PRRC2C: variants seen among roughly 807,000 people sequenced by gnomAD.
PRRC2C encodes the protein proline rich coiled-coil 2C.
In PRRC2C, 72 loss-of-function variants were observed where a neutral mutation model predicts 317.2. The ratio of observed to expected loss-of-function variants is 0.23; its 90% CI spans 0.19 to 0.28. PRRC2C has a LOEUF of 0.28. Ranked by LOEUF, PRRC2C falls within the 10% of genes least tolerant of loss-of-function variation. The pLI is 1.00. For missense variants in PRRC2C, 3,074 were observed against 3,459.7 expected, an observed-to-expected ratio of 0.89 and a Z score of 2.80; for synonymous variants, 1,296 against 1,205.9, an observed-to-expected ratio of 1.07 and a Z score of -1.55.
At chr1:171,528,512 C>T (rs565561445) in intron 11 of PRRC2C, among the ~76,000 whole-genome samples, 1 of 152,020 alleles carries the variant, frequency 6.6e-6, no homozygotes, top group Admixed American at 6.6e-5. Flanking sequence ...AGGACGGTCT[C>T]GATATCCTGA....
At chr1:171,492,891 A>G (rs1667435204) in intron 1 of PRRC2C, among the ~76,000 whole-genome samples, 1 of 151,806 alleles carries the variant, frequency 6.6e-6, no homozygotes, top group Non-Finnish European at 1.5e-5. Context: ...AGCTGGGATT[A>G]CAGGTGTGTA....
intron 1 of PRRC2C, among the ~76,000 whole-genome samples, chr1:171,493,762 C>T (rs1303345775): frequency 6.6e-6 from 1 of 152,002 alleles, no homozygotes; most frequent in East Asian, 1.9e-4. Flanking sequence ...GGAGATCCTA[C>T]CACTGCACTC....
intron 1 of PRRC2C, among the ~76,000 whole-genome samples, chr1:171,499,672 CAG>C (rs1668739204): frequency 1.3e-5 from 2 of 152,068 alleles, no homozygotes; most frequent in Non-Finnish European, 2.9e-5. Context: ...GGCATGGTGG[CAG>C]ACACCTGTAA....
intron 18 of PRRC2C, among the ~76,000 whole-genome samples, chr1:171,554,696 G>T (rs1057041908): frequency 1.3e-5 from 2 of 152,132 alleles, no homozygotes; most frequent in Admixed American, 6.5e-5. Flanking sequence ...GTCTGTAAAG[G>T]ATTTTATTTC....
intron 23 of PRRC2C, among the ~76,000 whole-genome samples, chr1:171,570,412 G>C (rs1275446574): frequency 6.6e-6 from 1 of 152,094 alleles, no homozygotes; most frequent in African/African-American, 2.4e-5. Flanking sequence ...CAATCATCTT[G>C]TATCTTGAAT....
intron 30 of PRRC2C, among the ~76,000 whole-genome samples, chr1:171,585,720 T>C (rs1274037915): frequency 6.6e-6 from 1 of 152,230 alleles, no homozygotes; most frequent in Non-Finnish European, 1.5e-5. Context: ...ATAGTCCTAA[T>C]TCTTTCAGTT....
At position 171,540,915 on chromosome 1, in the gene PRRC2C, T is replaced by G. The variant is rs1440217188; in HGVS notation, c.3449T>G (p.Ile1150Arg). The G allele has an allele frequency of 6.2e-7, 1 of 1,613,664 alleles. No homozygotes were observed. The highest frequency in any genetic ancestry group is 1.3e-5 in the African/African-American group (1 of 74,886). Residue 1150 changes from isoleucine to arginine, a missense_variant, in exon 16 of 35, where the codon ATA (isoleucine) becomes AGA (arginine). Ile to Arg is a moderately conservative substitution (Grantham distance 97). This residue lies in a region of PRRC2C where 1,320 missense variants were observed against 1,395.7 expected (regional missense o/e 0.95). Transcript: ENST00000647382. Reference sequence around the variant, plus strand: ...AAAGTCATCAGCAAAGACCTTGTTATAGAGAGGCCTCGACCAGATTCAAGA... The same window carrying G: ...AAAGTCATCAGCAAAGACCTTGTTAGAGAGAGGCCTCGACCAGATTCAAGA... ...PEKVISKDLV[I>R]ERPRPDSRPA...
At chr1:171,561,200 T>G (rs1407866225) in intron 20 of PRRC2C, 97 bp downstream of exon 20, 17 of 1,202,284 alleles carry the variant, frequency 1.4e-5, no homozygotes, top group Non-Finnish European at 1.8e-5. Flanking sequence ...CCTAGCGTGG[T>G]GGGAGGGTTA....
At chr1:171,559,028 T>C (rs900494242) in intron 19 of PRRC2C, among the ~76,000 whole-genome samples, 11 of 152,138 alleles carry the variant, frequency 7.2e-5, no homozygotes, top group African/African-American at 2.4e-4. Flanking sequence ...CCAAAGCAAG[T>C]GTTCTATCTC....
At chr1:171,579,571 C>A in intron 27 of PRRC2C, 105 bp downstream of exon 27, 2 of 1,439,068 alleles carry the variant, frequency 1.4e-6, no homozygotes, top group East Asian at 2.5e-5. Context: ...TACAAGCTAC[C>A]CACGATTAGC....
chr1:171,542,541 A>G (rs1346163957), intron 16 of PRRC2C, among the ~76,000 whole-genome samples: 1 of 152,186 alleles, frequency 6.6e-6, no homozygotes, highest in Non-Finnish European at 1.5e-5. Flanking sequence ...TCTGATGAGT[A>G]GCCCTCCCTT....
intron 20 of PRRC2C, among the ~76,000 whole-genome samples, chr1:171,562,696 T>C (rs922622786): frequency 2.0e-5 from 3 of 152,320 alleles, no homozygotes; most frequent in Middle Eastern, 3.4e-3. Context: ...TTGGACAGTT[T>C]TTGACATGTT....
At chr1:171,544,884 C>G (rs1308399627) in intron 16 of PRRC2C, among the ~76,000 whole-genome samples, 1 of 152,070 alleles carries the variant, frequency 6.6e-6, no homozygotes, top group African/African-American at 2.4e-5. Flanking sequence ...TTCCCATGAT[C>G]ATTTTCACTT....
chr1:171,487,572 A>G (rs1666357643), intron 1 of PRRC2C, among the ~76,000 whole-genome samples: 1 of 152,204 alleles, frequency 6.6e-6, no homozygotes, highest in African/African-American at 2.4e-5. Flanking sequence ...ACTTAAAACT[A>G]ACTCTACCAT....
At position 171,541,054 on chromosome 1, in the gene PRRC2C, C is replaced by T. The variant is rs761046224; in HGVS notation, c.3588C>T (p.Tyr1196=). The stretch of plus-strand genomic sequence containing the variant: ...GAGGTCGAGGCCGAGGTGAATATTA[C>T]TCCAGAGGTCGAAGCTATAGAGGTT... The part of the protein sequence containing the change: ...GYRGRGRGEY[Y]SRGRSYRGSY... The change falls in exon 16 of 35, where the codon TAC becomes TAT. Residue 1196 remains tyrosine (Y), a synonymous_variant. Transcript: ENST00000647382. This position sits in a 1 kb window ranked among gnomAD's most constrained non-coding sequence, Gnocchi z 4.1. 1.9e-6 allele frequency: 3 copies of T among 1,613,146 alleles called. No individual in the cohort carries two copies. The highest frequency in any genetic ancestry group is 2.5e-6 in the Non-Finnish European group (3 of 1,179,614).
intron 11 of PRRC2C, among the ~76,000 whole-genome samples, chr1:171,528,625 C>T (rs558619765): frequency 7.4e-4 from 113 of 152,146 alleles, no homozygotes; most frequent in African/African-American, 2.4e-3. Context: ...TTATACTTAC[C>T]GTCTTTTGCT....
rs1231162181 is a variant in PRRC2C, at chr1:171,557,021, G to A, written c.5128-219G>A. On this transcript the variant is annotated intron_variant, in intron 18 of 34. Transcript: ENST00000647382. ...TCTTGAATTTCAGAATTATGTACCTGTATGTCAAGAATGTACAATACCTAT... is the reference window on the plus strand; with the variant it reads ...TCTTGAATTTCAGAATTATGTACCTATATGTCAAGAATGTACAATACCTAT... Among the ~76,000 whole-genome samples the A allele has an allele frequency of 2.6e-5, 4 of 152,132 alleles. No homozygotes were observed. The South Asian group carries it at 8.3e-4, about 32-fold the overall frequency.
intron 13 of PRRC2C, 38 bp from the exon 14 acceptor site, chr1:171,535,991 G>T (rs1191493064): frequency 1.9e-6 from 3 of 1,549,790 alleles, no homozygotes; most frequent in Non-Finnish European, 2.6e-6. Context: ...TTGTCATGTG[G>T]AACTAAACTC....
At chr1:171,558,196 T>G in intron 19 of PRRC2C, 53 bp downstream of exon 19, 2 of 1,513,788 alleles carry the variant, frequency 1.3e-6, no homozygotes, top group Admixed American at 2.2e-5. Context: ...AATACTGAGG[T>G]TTCTTTTCAA....
Sources: allele counts gnomAD v4.1 joint callset (sites outside exome capture counted in the v4.1 genomes callset), GRCh38; gene constraint gnomAD v4.1.1; regional missense constraint gnomAD v4.1.1; non-coding constraint Gnocchi (gnomAD v3.1); transcripts MANE v1.5; gene names NCBI Gene and HGNC (gene_info 2026-07-23, HGNC 2026-07-21).